Variants in TMEM272 observed in about 807,000 individuals in gnomAD.
TMEM272 encodes the protein transmembrane protein 272.
A neutral mutation model predicts 3.7 loss-of-function variants in TMEM272; 8 were observed. That is an observed-to-expected ratio of 2.17 (90% confidence interval 1.27 to 3.91). The LOEUF is 3.91. Ranked by LOEUF, TMEM272 falls within the 30% of genes most tolerant of loss-of-function variation. The pLI, the probability that TMEM272 is intolerant of heterozygous loss-of-function variation, is 0.00. For synonymous variants in TMEM272, 63 were observed against 39.8 expected (o/e 1.58, Z -2.20); for missense variants, 166 against 91.5 (o/e 1.81, Z -3.32).
At chr13:51,879,175 C>A in the TMEM272 span, among the ~76,000 whole-genome samples, 23 of 152,174 alleles carry the variant, frequency 1.5e-4, no homozygotes, top group Middle Eastern at 0.017. Flanking sequence ...AGCCAGTCTG[C>A]AGGAGGAAAA....
At chr13:51,831,923 A>G (rs539480624) in intron 2 of TMEM272, among the ~76,000 whole-genome samples, 20 of 152,376 alleles carry the variant, frequency 1.3e-4, no homozygotes, top group African/African-American at 4.8e-4. Context: ...AGCTGGGTGA[A>G]AATAAACTCA....
the TMEM272 span, among the ~76,000 whole-genome samples, chr13:51,860,731 G>A: frequency 3.5e-4 from 4 of 11,498 alleles, no homozygotes; most frequent in South Asian, 3.9e-3. Flanking sequence ...ATATATATAT[G>A]TGTGTGTGTA....
the TMEM272 span, among the ~76,000 whole-genome samples, chr13:51,881,101 G>A: frequency 2.0e-5 from 3 of 152,222 alleles, no homozygotes; most frequent in African/African-American, 7.2e-5. Flanking sequence ...CAATCACCAA[G>A]TATTCTGGGT....
At chr13:51,829,815 C>T (rs1028035057) in intron 2 of TMEM272, among the ~76,000 whole-genome samples, 3 of 152,114 alleles carry the variant, frequency 2.0e-5, no homozygotes, top group Non-Finnish European at 4.4e-5. Context: ...CCAAACTCTG[C>T]AGCTGTGGCA....
chr13:51,917,567 C>T, the TMEM272 span, among the ~76,000 whole-genome samples: 167 of 152,292 alleles, frequency 1.1e-3, no homozygotes, highest in African/African-American at 3.3e-3. Flanking sequence ...GAAACCCACA[C>T]GCTACTGAGG....
At chr13:51,851,302 C>G in the TMEM272 span, among the ~76,000 whole-genome samples, 1 of 150,908 alleles carries the variant, frequency 6.6e-6, no homozygotes, top group Non-Finnish European at 1.5e-5. Flanking sequence ...TCACTGCACT[C>G]CAACCTGAAC....
At chr13:51,875,033 T>G in the TMEM272 span, among the ~76,000 whole-genome samples, 12 of 152,094 alleles carry the variant, frequency 7.9e-5, no homozygotes, top group African/African-American at 2.7e-4. Context: ...AGACCCACAT[T>G]TCCCTAACCA....
chr13:51,840,967 A>G (rs996025109), intron 1 of TMEM272, among the ~76,000 whole-genome samples: 2 of 152,238 alleles, frequency 1.3e-5, no homozygotes, highest in African/African-American at 4.8e-5. Flanking sequence ...CGTTTGTTAC[A>G]TAACAAGTAG....
chr13:51,932,062 C>G, the TMEM272 span, among the ~76,000 whole-genome samples: 1 of 152,174 alleles, frequency 6.6e-6, no homozygotes, highest in Non-Finnish European at 1.5e-5. Flanking sequence ...CCCAGTTTGC[C>G]TGGATAGTCC....
chr13:51,831,784 C>T (rs1036810510), intron 2 of TMEM272, among the ~76,000 whole-genome samples: 1 of 152,236 alleles, frequency 6.6e-6, no homozygotes, highest in Non-Finnish European at 1.5e-5. Context: ...GGCTTGACAG[C>T]AGTGACCACC....
chr13:51,834,585 G>A (rs1178996179), intron 2 of TMEM272, among the ~76,000 whole-genome samples: 2 of 152,108 alleles, frequency 1.3e-5, no homozygotes, highest in Non-Finnish European at 2.9e-5. Flanking sequence ...TCTCTGTTTA[G>A]TATGTTGAGT....
At chr13:51,835,041 C>T (rs1956203335) in intron 2 of TMEM272, among the ~76,000 whole-genome samples, 1 of 151,992 alleles carries the variant, frequency 6.6e-6, no homozygotes, top group African/African-American at 2.4e-5. Flanking sequence ...AAGTGGCTTG[C>T]TGGGATCTGA....
At chr13:51,914,204 G>C in the TMEM272 span, among the ~76,000 whole-genome samples, 1 of 152,200 alleles carries the variant, frequency 6.6e-6, no homozygotes, top group African/African-American at 2.4e-5. Context: ...CAGTTCCACG[G>C]GTGCTACAGG....
At chr13:51,880,960 A>C in the TMEM272 span, among the ~76,000 whole-genome samples, 3 of 152,238 alleles carry the variant, frequency 2.0e-5, no homozygotes, top group Non-Finnish European at 4.4e-5. Flanking sequence ...AAGTGTAATA[A>C]ATAAATTCCA....
At chr13:51,848,668 A>C (rs1456384345), upstream of TMEM272, among the ~76,000 whole-genome samples, 1 of 152,204 alleles carries the variant, frequency 6.6e-6, no homozygotes, top group Non-Finnish European at 1.5e-5. Flanking sequence ...ACTGTGAGTT[A>C]ATGAGGGTAG....
the TMEM272 span, among the ~76,000 whole-genome samples, chr13:51,878,759 T>C: frequency 6.6e-6 from 1 of 152,234 alleles, no homozygotes; most frequent in Admixed American, 6.5e-5. Context: ...TTACAGCGTA[T>C]TAAATGACTC....
chr13:51,919,613 A>G, the TMEM272 span, among the ~76,000 whole-genome samples: 5 of 152,192 alleles, frequency 3.3e-5, no homozygotes, highest in African/African-American at 1.2e-4. Context: ...TGATACACAC[A>G]GATCCTGTTG....
At position 51,813,379 on chromosome 13, in the gene TMEM272, GA is replaced by G; in HGVS notation, c.*3371del. 1 of 398,194 alleles carries G rather than the reference GA, an allele frequency of 2.5e-6. No individual in the cohort carries two copies. The highest frequency in any genetic ancestry group is 4.4e-6 in the Non-Finnish European group (1 of 225,860). 24.7% of individuals were successfully genotyped at this position (398,194 alleles called of 1,614,324 possible). ...GAACAAAGTTTATTTCATCAACAAT[GA>G]AAAATGCCCAGAAGGAAATGAAGCA... On this transcript the variant is annotated 3_prime_UTR_variant, in exon 5 of 5. Coordinates refer to ENST00000629372, the MANE Select transcript of TMEM272 (RefSeq NM_001351003.2).
At chr13:51,831,736 G>A (rs528269957) in intron 2 of TMEM272, among the ~76,000 whole-genome samples, 3 of 152,388 alleles carry the variant, frequency 2.0e-5, no homozygotes, top group South Asian at 4.1e-4. Context: ...TGGAACAGAG[G>A]CTGAGCTTCC....
Sources: allele counts gnomAD v4.1 joint callset (sites outside exome capture counted in the v4.1 genomes callset), GRCh38; gene constraint gnomAD v4.1.1; transcripts MANE v1.5; gene names NCBI Gene and HGNC (gene_info 2026-07-23, HGNC 2026-07-21).